The following SLC45A1 variants were observed in gnomAD, a reference collection of about 807,000 sequenced individuals.
The protein encoded by SLC45A1 is solute carrier family 45 member 1.
SLC45A1 carries 28 observed loss-of-function variants against 57.6 expected under a neutral mutation model. The observed-to-expected ratio is 0.49, with a 90% confidence interval of 0.36 to 0.67. SLC45A1 has a LOEUF of 0.67. Among genes scored for constraint, SLC45A1 ranks in the 30% least tolerant of loss-of-function variants. The probability of loss-of-function intolerance (pLI) is 0.00; values close to 1 mark genes in which losing one functional copy is unlikely to be tolerated. For missense variants in SLC45A1, 814 were observed against 1,041.5 expected, an observed-to-expected ratio of 0.78 and a Z score of 3.01; for synonymous variants, 459 against 471.5, an observed-to-expected ratio of 0.97 and a Z score of 0.34.
intron 5 of SLC45A1, among the ~76,000 whole-genome samples, chr1:8,332,905 A>C (rs887679187): frequency 3.9e-5 from 6 of 152,262 alleles, no homozygotes; most frequent in African/African-American, 1.4e-4. Context: ...GCAGGAGGAG[A>C]GTATATTTCA....
intron 8 of SLC45A1, among the ~76,000 whole-genome samples, chr1:8,340,045 G>A (rs967246817): frequency 1.3e-4 from 20 of 152,214 alleles, no homozygotes; most frequent in African/African-American, 4.8e-4. Flanking sequence ...GGGGCTTATG[G>A]GGAGGCAGTG....
Position 8,324,582 on chromosome 1 carries a change from C to A in SLC45A1, c.253C>A (p.Arg85=). The A allele has an allele frequency of 6.2e-7, 1 of 1,613,184 alleles. No homozygotes were observed. ...FGDLHPQRSF[R]ELLFNGCILF... ...GGACCTGCACCCCCAGAGGTCCTTC[C>A]GGGAGCTGCTTTTCAACGGCTGCAT... The change falls in exon 2 of 9, where the codon CGG becomes AGG. Residue 85 remains arginine, a synonymous_variant. Coordinates refer to ENST00000471889, the MANE Select transcript of SLC45A1 (RefSeq NM_001080397.3).
chr1:8,336,734 C>A (rs888170316), intron 6 of SLC45A1, among the ~76,000 whole-genome samples: 1 of 152,176 alleles, frequency 6.6e-6, no homozygotes, highest in Admixed American at 6.5e-5. Context: ...GCCATCAAAA[C>A]AAGTCTATTT....
rs748889453 is a variant in SLC45A1 at position 8,324,746 on chromosome 1, C to T, written c.397+20C>T. 4.5e-6 allele frequency: 7 copies of T among 1,556,920 alleles called. No individual in the cohort carries two copies. Among genetic ancestry groups the T allele is most frequent in the South Asian group, 1.2e-5 (1 of 82,980 alleles). The stretch of plus-strand genomic sequence containing the variant: ...TCCTCGGTGAGCCCCGGCTCCTCCC[C>T]GATGGTGGAGGGCCTCTGGAAGCCT... On this transcript the variant is annotated intron_variant, in intron 2 of 8. Transcript: ENST00000471889.
chr1:8,328,921 A>G lies in SLC45A1; in HGVS notation c.716-1288A>G, dbSNP rs1393494517. ...GTCACGAACAGCAATGGTGTCTTTC[A>G]GGAGGGGAGGAGGGAAGGCAATTAG... On this transcript the variant is annotated intron_variant, in intron 4 of 8. Transcript: ENST00000471889. This position sits in a 1 kb window ranked among gnomAD's most constrained non-coding sequence, Gnocchi z 4.6. Among the ~76,000 whole-genome samples, 1 of 152,214 alleles carries G rather than the reference A, an allele frequency of 6.6e-6. No homozygotes were observed. Among genetic ancestry groups the G allele is most frequent in the African/African-American group, 2.4e-5 (1 of 41,460 alleles).
At chr1:8,322,162 C>CATGGATGGATGGGTGGGTGGATGG (rs1640039857) in intron 1 of SLC45A1, among the ~76,000 whole-genome samples, 1 of 5,490 alleles carries the variant, frequency 1.8e-4, no homozygotes, top group Admixed American at 2.2e-3. Context: ...TCCATAGTTA[C>CATGGATGGATGGGTGGGTGGATGG]ATGGATGGAT....
chr1:8,338,396 C>T (rs1640692249), intron 7 of SLC45A1, among the ~76,000 whole-genome samples: 1 of 152,174 alleles, frequency 6.6e-6, no homozygotes, highest in African/African-American at 2.4e-5. Context: ...GGTGTGTGGT[C>T]GTGGAGCGTA....
chr1:8,326,268 T>A lies in SLC45A1; in HGVS notation c.715+226T>A, dbSNP rs1184767428. Among the ~76,000 whole-genome samples, 1 of 152,180 alleles carries A rather than the reference T, an allele frequency of 6.6e-6. No homozygotes were observed. The highest frequency in any genetic ancestry group is 1.5e-5 in the Non-Finnish European group (1 of 68,030). ...ACAATTATAGGTCTATAAATTCAAA[T>A]GTTTATATTCGTGGATTCTCATTGT... On this transcript the variant is annotated intron_variant, in intron 4 of 8. Transcript: ENST00000471889. The surrounding 1 kb of genome is among the most constrained non-coding windows in gnomAD (Gnocchi z 5.5).
chr1:8,324,546 G>A lies in SLC45A1; in HGVS notation c.217G>A (p.Val73Met), dbSNP rs1215887269. The A allele has an allele frequency of 6.2e-7, 1 of 1,611,940 alleles. No homozygotes were observed. Among genetic ancestry groups the A allele is most frequent in the East Asian group, 2.2e-5 (1 of 44,804 alleles). The change falls in exon 2 of 9, where the codon GTG (valine) becomes ATG (methionine). Residue 73 changes from valine (V) to methionine (M), a missense_variant. Val to Met is a conservative substitution (Grantham distance 21, BLOSUM62 1). Transcript: ENST00000471889. ...PPNTPCPLEL[V>M]DFGDLHPQRS... Reference sequence around the variant, plus strand: ...CAACACCCCGTGCCCGCTTGAGCTGGTGGACTTCGGGGACCTGCACCCCCA... The same window carrying A: ...CAACACCCCGTGCCCGCTTGAGCTGATGGACTTCGGGGACCTGCACCCCCA...
intron 5 of SLC45A1, among the ~76,000 whole-genome samples, chr1:8,333,104 T>C (rs1236281096): frequency 6.6e-6 from 1 of 152,086 alleles, no homozygotes; most frequent in Non-Finnish European, 1.5e-5. Context: ...TCCCACTGGG[T>C]TTAAATGGGA....
intron 1 of SLC45A1, among the ~76,000 whole-genome samples, chr1:8,318,720 C>T (rs1254110511): frequency 6.6e-6 from 1 of 152,210 alleles, no homozygotes; most frequent in African/African-American, 2.4e-5. Context: ...AGCAACTTCT[C>T]TAATTATTTC....
chr1:8,333,759 G>T (rs1640498918), intron 5 of SLC45A1, among the ~76,000 whole-genome samples: 1 of 152,264 alleles, frequency 6.6e-6, no homozygotes, highest in African/African-American at 2.4e-5. Flanking sequence ...GAGTGAGCAG[G>T]ATGGGGCCTT....
chr1:8,326,279 G>A lies in SLC45A1; in HGVS notation c.715+237G>A, dbSNP rs553437117. On this transcript the variant is annotated intron_variant, in intron 4 of 8. Transcript: ENST00000471889. This position sits in a 1 kb window ranked among gnomAD's most constrained non-coding sequence, Gnocchi z 5.5. ...TCTATAAATTCAAATGTTTATATTC[G>A]TGGATTCTCATTGTTTGAGGTAGTT... 2.2e-4 allele frequency among the ~76,000 whole-genome samples: 34 copies of A among 152,250 alleles called. No individual in the cohort carries two copies. The highest frequency in any genetic ancestry group is 3.4e-3 in the Middle Eastern group (1 of 294).
intron 8 of SLC45A1, among the ~76,000 whole-genome samples, chr1:8,340,490 TCAC>T (rs1293366204): frequency 1.3e-5 from 2 of 152,174 alleles, no homozygotes; most frequent in African/African-American, 4.8e-5. Context: ...GAGGATCAGT[TCAC>T]CATGTACTAG....
At chr1:8,320,685 C>T (rs1639979097) in intron 1 of SLC45A1, among the ~76,000 whole-genome samples, 1 of 94,114 alleles carries the variant, frequency 1.1e-5, no homozygotes, top group South Asian at 4.1e-4. Flanking sequence ...CTGTTTCTCT[C>T]TCTCTCTACA....
chr1:8,338,564 C>T (rs1380457682), intron 7 of SLC45A1, among the ~76,000 whole-genome samples: 4 of 152,218 alleles, frequency 2.6e-5, no homozygotes, highest in African/African-American at 9.7e-5. Flanking sequence ...CCCAGAGGTC[C>T]GCATACTTTT....
At chr1:8,338,990 T>C (rs532099877) in intron 7 of SLC45A1, among the ~76,000 whole-genome samples, 30 of 152,290 alleles carry the variant, frequency 2.0e-4, no homozygotes, top group African/African-American at 7.0e-4. Context: ...CCCATAGCCA[T>C]GTGGCCTTGG....
rs1640209567 is a variant in SLC45A1 at position 8,326,569 on chromosome 1, C to T, written c.715+527C>T. ...TCGCATGCATTTTCTGCACAAGGCA[C>T]ATCCGGCTTTCTTGCACCTGGAAAC... On this transcript the variant is annotated intron_variant, in intron 4 of 8. Transcript: ENST00000471889. This position sits in a 1 kb window ranked among gnomAD's most constrained non-coding sequence, Gnocchi z 5.5. Among the ~76,000 whole-genome samples, 1 of 152,218 alleles carries T rather than the reference C, an allele frequency of 6.6e-6. No homozygotes were observed. The highest frequency in any genetic ancestry group is 2.1e-4 in the South Asian group (1 of 4,832).
rs1056488455 is a variant in SLC45A1, at chr1:8,328,468, G to A, written c.716-1741G>A. ...GGCGAGTGCTGGGCTTGGCAGAGAG[G>A]AAGAAGGACGTCGGTTTTTACCTTA... On this transcript the variant is annotated intron_variant, in intron 4 of 8. Coordinates refer to ENST00000471889, the MANE Select transcript of SLC45A1 (RefSeq NM_001080397.3). This position sits in a 1 kb window ranked among gnomAD's most constrained non-coding sequence, Gnocchi z 4.6. Among the ~76,000 whole-genome samples, 42 of 152,224 alleles carry A rather than the reference G, an allele frequency of 2.8e-4. No homozygotes were observed. The highest frequency in any genetic ancestry group is 1.9e-4 in the Non-Finnish European group (13 of 68,036).
Sources: allele counts gnomAD v4.1 joint callset (sites outside exome capture counted in the v4.1 genomes callset), GRCh38; gene constraint gnomAD v4.1.1; non-coding constraint Gnocchi (gnomAD v3.1); transcripts MANE v1.5; gene names NCBI Gene and HGNC (gene_info 2026-07-23, HGNC 2026-07-21).